Variants in MOB3C observed in about 807,000 individuals in gnomAD.
MOB3C encodes MOB1, Mps One Binder kinase activator-like 2C.
Under a neutral mutation model 19.8 loss-of-function variants are expected in MOB3C, and 17 were observed. That is an observed-to-expected ratio of 0.86 (90% CI 0.59 to 1.29). MOB3C has a LOEUF of 1.29. Among genes scored for constraint, MOB3C ranks in the 50% most tolerant of loss-of-function variants. The pLI, the probability that MOB3C is intolerant of heterozygous loss-of-function variation, is 0.00. For missense variants in MOB3C, 291 were observed against 301.9 expected (o/e 0.96, Z 0.27); for synonymous variants, 101 against 119.2 (o/e 0.85, Z 0.99).
chr1:46,614,162 G>C (rs1675524402), intron 1 of MOB3C: 1 of 152,288 alleles, frequency 6.6e-6, no homozygotes, highest in African/African-American at 2.4e-5. Flanking sequence ...CTGGCACTGG[G>C]AGGTAGAAGA....
chr1:46,609,947 C>T (rs1003915758), intron 3 of MOB3C, 55 bp downstream of exon 3: 95 of 1,598,354 alleles, frequency 5.9e-5, no homozygotes, highest in Non-Finnish European at 7.1e-5. Flanking sequence ...AGCTTTTGGA[C>T]GTGAAAACTC....
intron 1 of MOB3C, 23 bp from the exon 2 acceptor site, chr1:46,613,394 G>C: frequency 6.4e-7 from 1 of 1,568,250 alleles, no homozygotes; most frequent in Non-Finnish European, 8.6e-7. Flanking sequence ...AGGGCATAGG[G>C]GAGCTGGCGG....
rs188894648 is a variant in MOB3C at position 46,608,224 on chromosome 1, A to G, written c.*1431T>C. On this transcript the variant is annotated 3_prime_UTR_variant, in exon 4 of 4. Coordinates refer to ENST00000319928, the MANE Select transcript of MOB3C (RefSeq NM_201403.3). The surrounding 1 kb of genome is among the most constrained non-coding windows in gnomAD (Gnocchi z 4.5). ...CAGGATCCCTGGTTTCTCCAGCTCC[A>G]TGAATGCCTCCCTGTGAGGCCCTGG... The G allele has an allele frequency of 3.3e-5, 5 of 152,540 alleles. No individual in the cohort carries two copies. The East Asian group carries it at 9.6e-4, about 29-fold the overall frequency. The allele number at this position is 152,540 out of a possible 1,614,324, so 9.4% of individuals were successfully genotyped here.
intron 1 of MOB3C, 119 bp from the exon 2 acceptor site, chr1:46,613,490 G>A (rs558070791): frequency 2.0e-6 from 2 of 992,578 alleles, no homozygotes; most frequent in South Asian, 3.3e-5. Context: ...TGCATCCTCT[G>A]CCTGGAATCT....
In MOB3C at chr1:46,613,200, C is replaced by T. The variant is rs769596245; in HGVS notation, c.122G>A (p.Gly41Asp). Residue 41 changes from glycine to aspartate, a missense_variant, in exon 2 of 4, where the codon GGC becomes GAC. Gly to Asp is a moderately conservative substitution (Grantham distance 94). Coordinates refer to ENST00000319928, the MANE Select transcript of MOB3C (RefSeq NM_201403.3). ...CCTCACCACACTGCGCAGGTCCAGG[C>T]CCGACTTGAGAGAGGCCTGTGCCTT... Reference protein sequence around the residue: ...YKKAQASLKSGLDLRSVVRLP... With the variant: ...YKKAQASLKSDLDLRSVVRLP... 1.2e-6 allele frequency: 2 copies of T among 1,614,244 alleles called. No homozygotes were observed. The highest frequency in any genetic ancestry group is 1.7e-6 in the Non-Finnish European group (2 of 1,180,042).
intron 1 of MOB3C, chr1:46,614,801 G>A (rs772475582): frequency 1.1e-5 from 6 of 570,914 alleles, no homozygotes; most frequent in Non-Finnish European, 1.6e-5. Flanking sequence ...TCGGGGAGGG[G>A]TATTACTTCT....
chr1:46,610,272 C>T, intron 2 of MOB3C, 68 bp from the exon 3 acceptor site: 1 of 1,496,264 alleles, frequency 6.7e-7, no homozygotes, highest in Non-Finnish European at 9.3e-7. Flanking sequence ...ACTTTTCCCT[C>T]CCACACACAG....
rs1224363381 is a variant in MOB3C, at chr1:46,608,858, G to A, written c.*797C>T. The A allele has an allele frequency of 2.0e-5, 3 of 152,762 alleles. No homozygotes were observed. The highest frequency in any genetic ancestry group is 2.0e-4 in the Admixed American group (3 of 15,294). 9.5% of individuals were successfully genotyped at this position (152,762 alleles called of 1,614,324 possible). On this transcript the variant is annotated 3_prime_UTR_variant, in exon 4 of 4. Coordinates refer to ENST00000319928, the MANE Select transcript of MOB3C (RefSeq NM_201403.3). This position sits in a 1 kb window ranked among gnomAD's most constrained non-coding sequence, Gnocchi z 4.5. ...TTGGAGGCAGAGGGATGAGTAAAAT[G>A]TCAGCTCATGGGCATCTCTGGGTAA...
intron 1 of MOB3C, 186 bp from the exon 2 acceptor site, chr1:46,613,557 C>T: frequency 1.7e-6 from 1 of 605,942 alleles, no homozygotes; most frequent in South Asian, 2.1e-5. Context: ...TGTTAGTCCC[C>T]CTTGCTAAGC....
intron 2 of MOB3C, among the ~76,000 whole-genome samples, chr1:46,610,698 T>A (rs1430834555): frequency 6.6e-6 from 1 of 152,216 alleles, no homozygotes; most frequent in Non-Finnish European, 1.5e-5. Flanking sequence ...TTCTTTCTAA[T>A]GAAGCACAAA....
chr1:46,615,037 G>A, intron 1 of MOB3C: 2 of 1,613,154 alleles, frequency 1.2e-6, no homozygotes, highest in Non-Finnish European at 1.7e-6. Flanking sequence ...CCCCAGGGTG[G>A]GACCCCAGTT....
In MOB3C at chr1:46,608,281, G is replaced by A. The variant is rs769814426; in HGVS notation, c.*1374C>T. 2 of 152,266 alleles carry A rather than the reference G, an allele frequency of 1.3e-5. No homozygotes were observed. The highest frequency in any genetic ancestry group is 2.9e-5 in the Non-Finnish European group (2 of 68,136). 9.4% of individuals were successfully genotyped at this position (152,266 alleles called of 1,614,324 possible). A position where few individuals can be genotyped will look rare whatever the true frequency, so the allele number is the denominator to read the frequency against. On this transcript the variant is annotated 3_prime_UTR_variant, in exon 4 of 4. Coordinates refer to ENST00000319928, the MANE Select transcript of MOB3C (RefSeq NM_201403.3). The surrounding 1 kb of genome is among the most constrained non-coding windows in gnomAD (Gnocchi z 4.5). The stretch of plus-strand genomic sequence containing the variant: ...TCTCCCTCTTCTTCTCCTGGCTTCA[G>A]TTTCCCCGTATGTACATTGAGACAG...
Position 46,611,305 on chromosome 1 carries a change from A to G in MOB3C, c.419-1101T>C, listed in dbSNP as rs61783138. Among the ~76,000 whole-genome samples the G allele has an allele frequency of 3.1e-3, 468 of 152,364 alleles. 1 individual carries two copies. The highest frequency in any genetic ancestry group is 5.2e-3 in the Non-Finnish European group (355 of 68,026). On this transcript the variant is annotated intron_variant, in intron 2 of 3. Transcript: ENST00000319928. This position sits in a 1 kb window ranked among gnomAD's most constrained non-coding sequence, Gnocchi z 4.1. Reference sequence around the variant, plus strand: ...GGTGAAGCTGCTAGCCCAAGGCCACATAAGTATTAATCAGTGCAGAATGGA... The same window carrying G: ...GGTGAAGCTGCTAGCCCAAGGCCACGTAAGTATTAATCAGTGCAGAATGGA...
rs1229511774 is a variant in MOB3C at position 46,609,106 on chromosome 1, G to A, written c.*549C>T. On this transcript the variant is annotated 3_prime_UTR_variant, in exon 4 of 4. Coordinates refer to ENST00000319928, the MANE Select transcript of MOB3C (RefSeq NM_201403.3). ...CTGTCATCACTCCTACAGTGGTCAT[G>A]GTCTGATGGTCCCATGGTCTGATGG... is the stretch of plus-strand genomic sequence containing the variant. 1.7e-5 allele frequency: 1 copy of A among 57,258 alleles called. No homozygotes were observed. The highest frequency in any genetic ancestry group is 1.8e-4 in the South Asian group (1 of 5,598). 3.5% of individuals were successfully genotyped at this position (57,258 alleles called of 1,614,324 possible).
chr1:46,615,270 C>G (rs753872199), intron 1 of MOB3C: 14 of 559,030 alleles, frequency 2.5e-5, no homozygotes, highest in Non-Finnish European at 4.1e-5. Context: ...ACCAACCACC[C>G]TGGGCTTCTT....
chr1:46,609,895 C>CAA, intron 3 of MOB3C, 107 bp downstream of exon 3: 1 of 1,345,774 alleles, frequency 7.4e-7, no homozygotes, highest in South Asian at 1.2e-5. Context: ...ATTGCCTTCC[C>CAA]CTAATTCATC....
intron 3 of MOB3C, 113 bp downstream of exon 3, chr1:46,609,889 C>T: frequency 7.6e-7 from 1 of 1,320,646 alleles, no homozygotes; most frequent in South Asian, 1.3e-5. Context: ...AAATGAATTG[C>T]CTTCCCCTAA....
intron 1 of MOB3C, chr1:46,616,196 C>T (rs138510143): frequency 2.0e-5 from 3 of 152,474 alleles, no homozygotes; most frequent in East Asian, 3.9e-4. Flanking sequence ...GCTGACCCTA[C>T]CTGTTTCTGA....
At position 46,613,062 on chromosome 1, in the gene MOB3C, C is replaced by T; in HGVS notation, c.260G>A (p.Cys87Tyr). The T allele has an allele frequency of 6.2e-7, 1 of 1,614,180 alleles. No individual in the cohort carries two copies. The highest frequency in any genetic ancestry group is 8.5e-7 in the Non-Finnish European group (1 of 1,180,004). The change falls in exon 2 of 4, where the codon TGC (cysteine) becomes TAC (tyrosine). Residue 87 changes from cysteine (C) to tyrosine (Y), a missense_variant. By Grantham distance (194) the Cys-to-Tyr change is radical. Coordinates refer to ENST00000319928, the MANE Select transcript of MOB3C (RefSeq NM_201403.3). ...GCGGGGCCCGCCGGCCATGACCGGG[C>T]AGCTGGTCTCACTGCAGCGCTCCGC... ...TMAERCSETS[C>Y]PVMAGGPRYE...
Sources: gnomAD v4.1 joint callset for allele counts (sites outside exome capture counted in the v4.1 genomes callset) on GRCh38, gnomAD v4.1.1 for gene constraint, Gnocchi (gnomAD v3.1) non-coding constraint, MANE v1.5 for transcripts, NCBI Gene and HGNC (gene_info 2026-07-23, HGNC 2026-07-21) for gene names.